ARHGAP24: variants seen among roughly 807,000 people sequenced by gnomAD.
The protein encoded by ARHGAP24 is Rho GTPase activating protein 24.
A neutral mutation model predicts 76.4 loss-of-function variants in ARHGAP24; 50 were observed. The ratio of observed to expected loss-of-function variants is 0.65; its 90% CI spans 0.52 to 0.83. The LOEUF (loss-of-function observed/expected upper bound fraction) is 0.83, where lower values mean the gene tolerates loss of function less well. ARHGAP24 is among the 40% of genes least tolerant of loss of function. The pLI is 0.00. For synonymous variants in ARHGAP24, 345 were observed against 323.3 expected (o/e 1.07, Z -0.72); for missense variants, 930 against 914.2 (o/e 1.02, Z -0.22).
At chr4:85,641,743 A>G (rs1464286252) in intron 2 of ARHGAP24, among the ~76,000 whole-genome samples, 3 of 152,158 alleles carry the variant, frequency 2.0e-5, no homozygotes, top group African/African-American at 7.2e-5. Context: ...AGAATATTAG[A>G]AAGGATACAG....
chr4:85,896,716 C>A (rs1389658213), intron 3 of ARHGAP24, among the ~76,000 whole-genome samples: 2 of 152,284 alleles, frequency 1.3e-5, no homozygotes, highest in East Asian at 3.9e-4. Context: ...TTTCAATTGT[C>A]CTCTCAGCCC....
intron 4 of ARHGAP24, among the ~76,000 whole-genome samples, chr4:85,940,134 C>G (rs553842353): frequency 5.1e-4 from 78 of 152,152 alleles, no homozygotes; most frequent in Middle Eastern, 3.4e-3. Flanking sequence ...TAGAATATCT[C>G]CAAAAGTTGT....
At chr4:85,820,923 A>G (rs931858339) in intron 3 of ARHGAP24, among the ~76,000 whole-genome samples, 1 of 152,148 alleles carries the variant, frequency 6.6e-6, no homozygotes, top group African/African-American at 2.4e-5. Flanking sequence ...AAGCTATATC[A>G]TATTAATTTA....
chr4:85,772,344 G>A (rs1400590850), intron 3 of ARHGAP24, among the ~76,000 whole-genome samples: 1 of 152,178 alleles, frequency 6.6e-6, no homozygotes, highest in Non-Finnish European at 1.5e-5. Flanking sequence ...AGACAGTAAG[G>A]TATAGGGTCA....
rs538652756 is a variant in ARHGAP24 at position 85,818,316 on chromosome 4, A to T, written c.268+96344A>T. On this transcript the variant is annotated intron_variant, in intron 3 of 9. Coordinates refer to ENST00000395184, the MANE Select transcript of ARHGAP24 (RefSeq NM_001025616.3). Reference sequence around the variant, plus strand: ...TGCCCACCTGCAGGGGGTGAAATCAACTCCTCAGAGGCCTGTCCACCCGCA... The same window carrying T: ...TGCCCACCTGCAGGGGGTGAAATCATCTCCTCAGAGGCCTGTCCACCCGCA... 2.0e-5 allele frequency among the ~76,000 whole-genome samples: 3 copies of T among 152,184 alleles called. No individual in the cohort carries two copies. In the East Asian group the frequency reaches 5.8e-4, roughly 29 times the overall value.
intron 2 of ARHGAP24, among the ~76,000 whole-genome samples, chr4:85,630,513 A>T (rs1451231025): frequency 6.6e-6 from 1 of 152,132 alleles, no homozygotes. Flanking sequence ...AACGTTTACT[A>T]GTCAGCTCAT....
At chr4:85,709,141 G>A (rs2110032967) in intron 2 of ARHGAP24, among the ~76,000 whole-genome samples, 1 of 152,160 alleles carries the variant, frequency 6.6e-6, no homozygotes, top group Non-Finnish European at 1.5e-5. Context: ...TGGCATTCTA[G>A]GGCTACAATC....
intron 2 of ARHGAP24, among the ~76,000 whole-genome samples, chr4:85,629,050 G>A (rs962363688): frequency 6.6e-6 from 1 of 152,012 alleles, no homozygotes; most frequent in Admixed American, 6.6e-5. Flanking sequence ...CTCTCTTGCT[G>A]ACTTCCTTTG....
intron 3 of ARHGAP24, among the ~76,000 whole-genome samples, chr4:85,798,981 AG>A (rs1219981247): frequency 5.9e-5 from 9 of 152,236 alleles, no homozygotes; most frequent in Non-Finnish European, 1.3e-4. Flanking sequence ...GCAAATAAAG[AG>A]GACAGAAAAT....
chr4:85,656,758 G>A (rs774283915), intron 2 of ARHGAP24, among the ~76,000 whole-genome samples: 12 of 151,506 alleles, frequency 7.9e-5, no homozygotes, highest in Non-Finnish European at 1.2e-4. Flanking sequence ...GAGCCACCAC[G>A]CCTGGCCAAT....
rs542583099 is a variant in ARHGAP24 at position 85,564,382 on chromosome 4, G to A, written c.-20-6140G>A. Among the ~76,000 whole-genome samples, 1,230 of 148,884 alleles carry A rather than the reference G, an allele frequency of 8.3e-3. 9 individuals are homozygous for A. The highest frequency in any genetic ancestry group is 0.013 in the Non-Finnish European group (863 of 67,832). Reference sequence around the variant, plus strand: ...CACAGGAAGGGGAACATCACACACCGGGGCCTGTTGTGGGGTGGGGGGAGC... The same window carrying A: ...CACAGGAAGGGGAACATCACACACCAGGGCCTGTTGTGGGGTGGGGGGAGC... On this transcript the variant is annotated intron_variant, in intron 1 of 9. Transcript: ENST00000395184.
At chr4:85,601,956 G>T (rs1720041004) in intron 2 of ARHGAP24, among the ~76,000 whole-genome samples, 1 of 152,026 alleles carries the variant, frequency 6.6e-6, no homozygotes, top group Non-Finnish European at 1.5e-5. Context: ...AGGCAAAACT[G>T]GTTCAACTGC....
chr4:85,548,572 C>T (rs899313992), intron 1 of ARHGAP24, among the ~76,000 whole-genome samples: 2 of 152,172 alleles, frequency 1.3e-5, no homozygotes, highest in Non-Finnish European at 2.9e-5. Context: ...GTTTGCTCGA[C>T]TTGGAATACA....
At chr4:85,651,778 A>G (rs967327706) in intron 2 of ARHGAP24, among the ~76,000 whole-genome samples, 1 of 131,326 alleles carries the variant, frequency 7.6e-6, no homozygotes, top group Non-Finnish European at 1.6e-5. Context: ...TCAAGGCCAT[A>G]TATTTAATTA....
chr4:85,577,457 T>C (rs1727426891), intron 2 of ARHGAP24, among the ~76,000 whole-genome samples: 1 of 152,136 alleles, frequency 6.6e-6, no homozygotes, highest in Non-Finnish European at 1.5e-5. Flanking sequence ...CCAGACATGG[T>C]AGTGGCCCTT....
chr4:85,677,292 C>A (rs964830360), intron 2 of ARHGAP24, among the ~76,000 whole-genome samples: 1 of 152,138 alleles, frequency 6.6e-6, no homozygotes, highest in Non-Finnish European at 1.5e-5. Flanking sequence ...GTAGTCCTGA[C>A]CTTGGCAGGC....
intron 3 of ARHGAP24, among the ~76,000 whole-genome samples, chr4:85,774,558 AAGCTCT>A (rs1727240284): frequency 6.6e-6 from 1 of 152,224 alleles, no homozygotes; most frequent in Non-Finnish European, 1.5e-5. Context: ...AGATTTCCGG[AAGCTCT>A]TAGGACCTCT....
At chr4:85,739,128 T>C (rs537878432) in intron 3 of ARHGAP24, among the ~76,000 whole-genome samples, 2 of 152,172 alleles carry the variant, frequency 1.3e-5, no homozygotes, top group South Asian at 4.1e-4. Flanking sequence ...GCCTTGCCCC[T>C]TTCCTAGCTT....
intron 3 of ARHGAP24, among the ~76,000 whole-genome samples, chr4:85,733,188 C>T (rs185237183): frequency 3.8e-4 from 58 of 150,906 alleles, no homozygotes; most frequent in African/African-American, 9.0e-4. Context: ...CTCAGCTTCC[C>T]GAGTAGCTGG....
Sources: allele counts gnomAD v4.1 joint callset (sites outside exome capture counted in the v4.1 genomes callset), GRCh38; gene constraint gnomAD v4.1.1; transcripts MANE v1.5; gene names NCBI Gene and HGNC (gene_info 2026-07-23, HGNC 2026-07-21).